The following GPC5 variants were observed in gnomAD, a reference collection of about 807,000 sequenced individuals.
The protein encoded by GPC5 is glypican 5.
In GPC5, 47 loss-of-function variants were observed where a neutral mutation model predicts 53.9. The observed-to-expected ratio is 0.87, with a 90% confidence interval of 0.69 to 1.11. GPC5 has a LOEUF of 1.11. Among genes scored for constraint, GPC5 ranks in the 50% most tolerant of loss-of-function variants. The probability of loss-of-function intolerance (pLI) is 0.00; values close to 1 mark genes in which losing one functional copy is unlikely to be tolerated. For synonymous variants in GPC5, 286 were observed against 263.3 expected (o/e 1.09, Z -0.84); for missense variants, 748 against 713.1 (o/e 1.05, Z -0.56).
At chr13:92,191,011 C>A (rs1264161210) in intron 7 of GPC5, among the ~76,000 whole-genome samples, 1 of 151,944 alleles carries the variant, frequency 6.6e-6, no homozygotes, top group Non-Finnish European at 1.5e-5. Flanking sequence ...TAGATTAAAG[C>A]AAAAGGATGG....
chr13:92,620,626 C>A (rs6492621), intron 7 of GPC5, among the ~76,000 whole-genome samples: 143,375 of 152,290 alleles, frequency 0.94, 67,577 homozygotes, highest in East Asian at 1. Flanking sequence ...CAAAGCAAAG[C>A]AGCTGAAACT....
At chr13:92,276,196 T>C (rs61085493) in intron 7 of GPC5, among the ~76,000 whole-genome samples, 12,977 of 152,116 alleles carry the variant, frequency 0.085, 609 homozygotes, top group Middle Eastern at 0.12. Context: ...GCATGTCAAA[T>C]TTTGTTCCTT....
At chr13:91,785,500 T>C (rs892679176) in intron 5 of GPC5, among the ~76,000 whole-genome samples, 18 of 140,126 alleles carry the variant, frequency 1.3e-4, no homozygotes, top group African/African-American at 5.0e-4. Context: ...ATGAATACGA[T>C]ATTGATTAAC....
In GPC5 at chr13:91,744,598, C is replaced by T. The variant is rs185242998; in HGVS notation, c.1155-11697C>T. 3.3e-3 allele frequency among the ~76,000 whole-genome samples: 500 copies of T among 152,078 alleles called. 3 individuals are homozygous for T. The highest frequency in any genetic ancestry group is 0.011 in the African/African-American group (474 of 41,500). Reference sequence around the variant, plus strand: ...AAACAGGAATATCTGATTGTAATTGCAAAATGCAAAAGATAAAAGAAGGAA... The same window carrying T: ...AAACAGGAATATCTGATTGTAATTGTAAAATGCAAAAGATAAAAGAAGGAA... On this transcript the variant is annotated intron_variant, in intron 4 of 7. Transcript: ENST00000377067.
chr13:91,680,817 T>C (rs1247918389), intron 2 of GPC5, among the ~76,000 whole-genome samples: 2 of 152,166 alleles, frequency 1.3e-5, no homozygotes, highest in Non-Finnish European at 2.9e-5. Context: ...AGAATATAGC[T>C]CTTTTCTATT....
chr13:92,137,110 T>G (rs770309865), intron 6 of GPC5, among the ~76,000 whole-genome samples: 5 of 152,200 alleles, frequency 3.3e-5, no homozygotes, highest in African/African-American at 4.8e-5. Flanking sequence ...GTTTTACGGA[T>G]GCAGTGTCAT....
intron 7 of GPC5, among the ~76,000 whole-genome samples, chr13:92,303,087 GT>G (rs899924525): frequency 1.8e-4 from 27 of 151,782 alleles, no homozygotes; most frequent in East Asian, 5.8e-4. Context: ...CATTTTCATT[GT>G]TTTTTTCCCC....
intron 7 of GPC5, among the ~76,000 whole-genome samples, chr13:92,279,046 C>T (rs2042895333): frequency 6.6e-6 from 1 of 151,940 alleles, no homozygotes; most frequent in South Asian, 2.1e-4. Flanking sequence ...ATCAGATTTC[C>T]CATTTCTGCA....
chr13:92,842,334 C>T (rs1878454879), intron 7 of GPC5, among the ~76,000 whole-genome samples: 1 of 152,022 alleles, frequency 6.6e-6, no homozygotes, highest in Non-Finnish European at 1.5e-5. Flanking sequence ...CTGTTACTTG[C>T]CTTCTCGAGG....
intron 7 of GPC5, among the ~76,000 whole-genome samples, chr13:92,239,380 C>G (rs555913029): frequency 6.6e-6 from 1 of 151,818 alleles, no homozygotes; most frequent in Non-Finnish European, 1.5e-5. Flanking sequence ...TCTAATAAAA[C>G]AACATTACTT....
intron 2 of GPC5, among the ~76,000 whole-genome samples, chr13:91,519,627 G>A (rs1885698993): frequency 2.0e-5 from 3 of 152,296 alleles, no homozygotes; most frequent in South Asian, 2.1e-4. Context: ...GTGGAACTAT[G>A]AGTCAATTAA....
At chr13:92,060,047 T>G (rs928035548) in intron 6 of GPC5, 1 of 152,000 alleles carries the variant, frequency 6.6e-6, no homozygotes, top group Non-Finnish European at 1.5e-5. Context: ...GTTTTTCATA[T>G]TTATGTTGGA....
chr13:91,500,686 C>T (rs1884572719), intron 2 of GPC5, among the ~76,000 whole-genome samples: 1 of 152,142 alleles, frequency 6.6e-6, no homozygotes, highest in Admixed American at 6.5e-5. Flanking sequence ...GCTTAAAGGG[C>T]TTCTAATCTC....
At chr13:91,422,620 A>G (rs1266821549) in intron 1 of GPC5, among the ~76,000 whole-genome samples, 1 of 150,406 alleles carries the variant, frequency 6.6e-6, no homozygotes, top group African/African-American at 2.4e-5. Context: ...TGGGCAACAG[A>G]GCAAGACTCA....
intron 2 of GPC5, among the ~76,000 whole-genome samples, chr13:91,480,789 G>A (rs924892349): frequency 6.6e-6 from 1 of 152,094 alleles, no homozygotes; most frequent in African/African-American, 2.4e-5. Context: ...ATTCTTTTGA[G>A]TTCTGAGAGT....
At chr13:92,861,383 C>T (rs1340522801) in intron 7 of GPC5, among the ~76,000 whole-genome samples, 1 of 152,118 alleles carries the variant, frequency 6.6e-6, no homozygotes, top group Non-Finnish European at 1.5e-5. Flanking sequence ...AAGGGCTGTA[C>T]CCTTGCCCAA....
At chr13:91,847,448 A>G (rs1245390806) in intron 5 of GPC5, among the ~76,000 whole-genome samples, 1 of 152,094 alleles carries the variant, frequency 6.6e-6, no homozygotes, top group African/African-American at 2.4e-5. Flanking sequence ...ACTGAAAAAA[A>G]TGCTGTCAAA....
chr13:91,486,351 T>G (rs970930540), intron 2 of GPC5: 3 of 152,248 alleles, frequency 2.0e-5, no homozygotes, highest in Non-Finnish European at 4.4e-5. Context: ...GATTGCTTCT[T>G]AACTAGACAT....
chr13:92,142,905 T>C (rs765922514), intron 6 of GPC5, among the ~76,000 whole-genome samples: 3 of 152,206 alleles, frequency 2.0e-5, no homozygotes, highest in Non-Finnish European at 2.9e-5. Context: ...GATAATACTT[T>C]GAAAAATTAT....
Sources: allele counts gnomAD v4.1 joint callset (sites outside exome capture counted in the v4.1 genomes callset), GRCh38; gene constraint gnomAD v4.1.1; transcripts MANE v1.5; gene names NCBI Gene and HGNC (gene_info 2026-07-23, HGNC 2026-07-21).